The following SGCZ variants were observed in gnomAD, a reference collection of about 807,000 sequenced individuals.
The protein encoded by SGCZ is sarcoglycan zeta.
A neutral mutation model predicts 41.3 loss-of-function variants in SGCZ; 40 were observed. That is an observed-to-expected ratio of 0.97 (90% CI 0.75 to 1.26). The LOEUF (loss-of-function observed/expected upper bound fraction) is 1.26, where lower values mean the gene tolerates loss of function less well. SGCZ is among the 50% of genes most tolerant of loss of function. SGCZ has a pLI of 0.00. For missense variants in SGCZ, 552 were observed against 369.8 expected, an observed-to-expected ratio of 1.49 and a Z score of -4.04; for synonymous variants, 206 against 137.5, an observed-to-expected ratio of 1.50 and a Z score of -3.49.
In SGCZ at chr8:14,955,580, A is replaced by G. The variant is rs138300837; in HGVS notation, c.39+282005T>C. Among the ~76,000 whole-genome samples, 113 of 152,300 alleles carry G rather than the reference A, an allele frequency of 7.4e-4. 1 individual carries two copies. The Middle Eastern group carries it at 0.014, about 18-fold the overall frequency. ...CGATACATGGTGTTCTCAGATTTCA[A>G]TTTGGCCAATGTACTGGGTATATAA... is the stretch of plus-strand genomic sequence containing the variant. On this transcript the variant is annotated intron_variant, in intron 1 of 7. Transcript: ENST00000382080.
At chr8:14,407,012 T>G (rs1327573796) in intron 2 of SGCZ, among the ~76,000 whole-genome samples, 1 of 151,790 alleles carries the variant, frequency 6.6e-6, no homozygotes, top group Non-Finnish European at 1.5e-5. Flanking sequence ...AGCCTGCCTG[T>G]CCTGCATCAA....
chr8:14,486,581 C>A (rs559149647), intron 2 of SGCZ, among the ~76,000 whole-genome samples: 1 of 152,080 alleles, frequency 6.6e-6, no homozygotes, highest in East Asian at 1.9e-4. Flanking sequence ...TGTGTGTGTG[C>A]GCGCGCGTGC....
intron 2 of SGCZ, among the ~76,000 whole-genome samples, chr8:14,502,034 A>G (rs192987620): frequency 2.0e-5 from 3 of 152,248 alleles, no homozygotes; most frequent in African/African-American, 7.2e-5. Flanking sequence ...TTAGAAATTA[A>G]GAATGTCAAT....
chr8:14,658,761 C>T (rs936369392), intron 1 of SGCZ, among the ~76,000 whole-genome samples: 1 of 151,904 alleles, frequency 6.6e-6, no homozygotes, highest in Non-Finnish European at 1.5e-5. Context: ...TCGTTTAGCT[C>T]AGTAGAATGC....
At chr8:15,044,513 A>C (rs1271797119) in intron 1 of SGCZ, among the ~76,000 whole-genome samples, 1 of 152,180 alleles carries the variant, frequency 6.6e-6, no homozygotes, top group African/African-American at 2.4e-5. Flanking sequence ...AGAATCAGGA[A>C]TGATTATTTT....
intron 3 of SGCZ, among the ~76,000 whole-genome samples, chr8:14,319,215 G>A (rs1216247531): frequency 6.6e-6 from 1 of 151,846 alleles, no homozygotes; most frequent in Non-Finnish European, 1.5e-5. Context: ...TGAAAAAAGT[G>A]AAATGGCAAA....
chr8:15,005,328 CTTTT>C lies in SGCZ; in HGVS notation c.39+232253_39+232256del, dbSNP rs10603664. ...CCCCCTCCCCCGTTTTTTTCTTTTT[CTTTT>C]TTTTTTTTTTTTTTTTGACATGGAG... On this transcript the variant is annotated intron_variant, in intron 1 of 7. Coordinates refer to ENST00000382080, the MANE Select transcript of SGCZ (RefSeq NM_139167.4). Among the ~76,000 whole-genome samples the C allele has an allele frequency of 1.2e-3, 98 of 78,718 alleles. 1 individual carries two copies. The highest frequency in any genetic ancestry group is 8.8e-3 in the Middle Eastern group (1 of 114). The allele number at this position is 78,718 out of a possible 152,430, so 51.6% of individuals were successfully genotyped here. A position where few individuals can be genotyped will look rare whatever the true frequency, so the allele number is the denominator to read the frequency against.
At chr8:14,633,837 G>A (rs1354854098) in intron 1 of SGCZ, among the ~76,000 whole-genome samples, 1 of 151,814 alleles carries the variant, frequency 6.6e-6, no homozygotes, top group Non-Finnish European at 1.5e-5. Context: ...CCAGTGTTCT[G>A]AACATTTATT....
intron 1 of SGCZ, among the ~76,000 whole-genome samples, chr8:15,058,985 T>A (rs1053722287): frequency 6.6e-6 from 1 of 152,210 alleles, no homozygotes; most frequent in East Asian, 1.9e-4. Context: ...ATATAGCTTA[T>A]CTAAAATGTC....
At chr8:14,456,953 T>C (rs1401253675) in intron 2 of SGCZ, among the ~76,000 whole-genome samples, 1 of 152,210 alleles carries the variant, frequency 6.6e-6, no homozygotes. Flanking sequence ...CTTTGCCTTC[T>C]GCCATGATTG....
At chr8:14,274,352 C>G (rs17229309) in intron 3 of SGCZ, among the ~76,000 whole-genome samples, 43,754 of 151,914 alleles carry the variant, frequency 0.29, 7,458 homozygotes, top group Non-Finnish European at 0.39. Context: ...TAACGCTGCA[C>G]TTATTAAGGA....
chr8:14,372,344 A>C (rs1012028617), intron 2 of SGCZ, among the ~76,000 whole-genome samples: 12 of 152,184 alleles, frequency 7.9e-5, no homozygotes, highest in African/African-American at 2.9e-4. Flanking sequence ...CATCAGAAAA[A>C]TAATTCCATC....
chr8:14,162,465 C>A (rs901931822), intron 5 of SGCZ: 2 of 152,184 alleles, frequency 1.3e-5, no homozygotes, highest in Non-Finnish European at 2.9e-5. Flanking sequence ...TACTCACCAA[C>A]AAGCAATTCA....
At chr8:15,230,697 G>A (rs532555755) in intron 1 of SGCZ, among the ~76,000 whole-genome samples, 4 of 152,278 alleles carry the variant, frequency 2.6e-5, no homozygotes, top group South Asian at 4.1e-4. Context: ...TCAGTCTACA[G>A]TTCTTGCCAT....
intron 3 of SGCZ, among the ~76,000 whole-genome samples, chr8:14,275,089 G>A (rs1800184130): frequency 6.6e-6 from 1 of 152,152 alleles, no homozygotes; most frequent in Non-Finnish European, 1.5e-5. Flanking sequence ...TAGGAATACA[G>A]AACACAAGGT....
intron 2 of SGCZ, among the ~76,000 whole-genome samples, chr8:14,356,128 T>C (rs1803285745): frequency 6.6e-6 from 1 of 152,212 alleles, no homozygotes; most frequent in Admixed American, 6.6e-5. Flanking sequence ...TGCTGTACTG[T>C]ATTGCAAGAT....
chr8:14,170,073 C>T (rs34218938), intron 4 of SGCZ, among the ~76,000 whole-genome samples: 107,018 of 149,798 alleles, frequency 0.71, 39,601 homozygotes, highest in East Asian at 0.85. Flanking sequence ...TTTTTTTTTA[C>T]TTTTCCTTTA....
chr8:14,399,121 C>A (rs1442518223), intron 2 of SGCZ, among the ~76,000 whole-genome samples: 2 of 152,024 alleles, frequency 1.3e-5, no homozygotes, highest in Non-Finnish European at 2.9e-5. Context: ...AAGTGGCACT[C>A]CCATTGTTTT....
chr8:14,455,163 A>C (rs1185588208), intron 2 of SGCZ, among the ~76,000 whole-genome samples: 1 of 152,174 alleles, frequency 6.6e-6, no homozygotes, highest in Non-Finnish European at 1.5e-5. Flanking sequence ...TAGGGAATTC[A>C]TAAAAGTTAA....
Sources: allele counts gnomAD v4.1 joint callset (sites outside exome capture counted in the v4.1 genomes callset), GRCh38; gene constraint gnomAD v4.1.1; transcripts MANE v1.5; gene names NCBI Gene and HGNC (gene_info 2026-07-23, HGNC 2026-07-21).